Variants in TRAP1 observed in about 807,000 individuals in gnomAD.
TRAP1 encodes the protein heat shock protein 75 kDa, mitochondrial.
Under a neutral mutation model 89.1 loss-of-function variants are expected in TRAP1, and 102 were observed. The observed-to-expected ratio is 1.15, with a 90% CI of 0.98 to 1.35. The LOEUF is 1.35. TRAP1 is among the 40% of genes most tolerant of loss of function. TRAP1 has a pLI of 0.00. For synonymous variants in TRAP1, 508 were observed against 388.0 expected, an observed-to-expected ratio of 1.31 and a Z score of -3.64; for missense variants, 1,256 against 945.3, an observed-to-expected ratio of 1.33 and a Z score of -4.31.
At chr16:3,679,449 A>G (rs1486489735) in intron 5 of TRAP1, among the ~76,000 whole-genome samples, 1 of 152,228 alleles carries the variant, frequency 6.6e-6, no homozygotes, top group Non-Finnish European at 1.5e-5. Context: ...AGATGTGTCT[A>G]CAATATACGG....
At position 3,690,930 on chromosome 16, in the gene TRAP1, G is replaced by T; in HGVS notation, c.144C>A (p.Asn48Lys). Residue 48 changes from asparagine to lysine, a missense_variant, in exon 2 of 18, where the codon AAC becomes AAA. Physicochemically the swap from Asn to Lys is moderately conservative, Grantham distance 94. Transcript: ENST00000246957. ...GTCCTGCCTGCAAGCTCCAGGCTGG[G>T]TTTCGCCTGGGGCCCAACTGGGCTG... ...RTTAQLGPRR[N>K]PAWSLQAGRL... The T allele has an allele frequency of 6.3e-7, 1 of 1,588,976 alleles. No homozygotes were observed. Among genetic ancestry groups the T allele is most frequent in the Non-Finnish European group, 8.6e-7 (1 of 1,168,122 alleles).
intron 1 of TRAP1, among the ~76,000 whole-genome samples, chr16:3,712,812 C>T (rs2051549674): frequency 6.6e-6 from 1 of 152,184 alleles, no homozygotes; most frequent in African/African-American, 2.4e-5. Flanking sequence ...GACGGGGTTT[C>T]GCCATGTTGG....
chr16:3,672,803 A>G lies in TRAP1; in HGVS notation c.1062T>C (p.Asp354=). 3 of 1,613,160 alleles carry G rather than the reference A, an allele frequency of 1.9e-6. No homozygotes were observed. The highest frequency in any genetic ancestry group is 1.7e-5 in the Admixed American group (1 of 59,940). Residue 354 remains aspartate (D), a synonymous_variant, in exon 10 of 18, where the codon GAT becomes GAC. Transcript: ENST00000246957. ...CGCTGGAGCCCAGCTCCCGGCTCAC[A>G]TCAAACATGGACGGTTTCTGGGGGT... ...YVPDMKPSMF[D]VSRELGSSVA...
At chr16:3,716,407 G>A (rs1187429054) in intron 1 of TRAP1, among the ~76,000 whole-genome samples, 3 of 152,174 alleles carry the variant, frequency 2.0e-5, no homozygotes, top group Non-Finnish European at 4.4e-5. Flanking sequence ...CCCATTCTAT[G>A]CAGCATTGTA....
At position 3,679,888 on chromosome 16, in the gene TRAP1, T is replaced by A. The variant is rs967097791; in HGVS notation, c.472-98A>T. 3 of 1,205,992 alleles carry A rather than the reference T, an allele frequency of 2.5e-6. No individual in the cohort carries two copies. The African/African-American group carries it at 4.5e-5, about 18-fold the overall frequency. 74.7% of individuals were successfully genotyped at this position (1,205,992 alleles called of 1,614,324 possible). A position where few individuals can be genotyped will look rare whatever the true frequency, so the allele number is the denominator to read the frequency against. ...GGGACTCAAGTGGTGTCAATGACAT[T>A]GGCCAGACAGGGCCCAGCCAGGTAG... On this transcript the variant is annotated intron_variant, in intron 4 of 17. Transcript: ENST00000246957.
intron 2 of TRAP1, chr16:3,689,714 C>T (rs948792757): frequency 6.6e-6 from 1 of 152,542 alleles, no homozygotes. Flanking sequence ...GTGGCACACA[C>T]TTGTGGTCCC....
At chr16:3,663,108 A>G (rs2043176660) in intron 14 of TRAP1, 141 bp from the exon 15 acceptor site, 1 of 723,602 alleles carries the variant, frequency 1.4e-6, no homozygotes, top group Non-Finnish European at 2.2e-6. Flanking sequence ...TTTTCATCTA[A>G]AAGTAAAACC....
At chr16:3,683,188 G>A (rs969601763) in intron 4 of TRAP1, among the ~76,000 whole-genome samples, 10 of 151,512 alleles carry the variant, frequency 6.6e-5, no homozygotes, top group Non-Finnish European at 1.2e-4. Context: ...AAATCTTCCC[G>A]GTCATCAAAA....
chr16:3,713,033 A>T (rs1361059647), intron 1 of TRAP1, among the ~76,000 whole-genome samples: 1 of 152,216 alleles, frequency 6.6e-6, no homozygotes, highest in Admixed American at 6.5e-5. Flanking sequence ...TCTAAGTGCC[A>T]GCACCACAGC....
At position 3,672,740 on chromosome 16, in the gene TRAP1, C is replaced by T. The variant is rs566652586; in HGVS notation, c.1125G>A (p.Lys375=). 48 of 1,610,986 alleles carry T rather than the reference C, an allele frequency of 3.0e-5. No individual in the cohort carries two copies. The East Asian group carries it at 5.4e-4, about 18-fold the overall frequency. ...GCCACTTGGGCAGGATGTCCGTGGC[C>T]TTGGTCTGGATGAGGACTTTGCGGC... ...LYSRKVLIQT[K]ATDILPKWLR... Residue 375 remains lysine (K), a synonymous_variant, in exon 10 of 18, where the codon AAG becomes AAA. Transcript: ENST00000246957.
rs771649230 is a variant in TRAP1, at chr16:3,672,797, G to A, written c.1068C>T (p.Ser356=). ...GTGCAACGCTGGAGCCCAGCTCCCG[G>A]CTCACATCAAACATGGACGGTTTCT... ...PDMKPSMFDV[S]RELGSSVALY... is the part of the protein sequence containing the mutation. Residue 356 remains serine, a synonymous_variant, in exon 10 of 18, where the codon AGC becomes AGT. Transcript: ENST00000246957. The A allele has an allele frequency of 1.9e-5, 30 of 1,612,860 alleles. No homozygotes were observed. In the South Asian group the frequency reaches 2.9e-4, roughly 15 times the overall value.
At chr16:3,688,985 G>C in intron 3 of TRAP1, 70 bp downstream of exon 3, 2 of 1,416,194 alleles carry the variant, frequency 1.4e-6, no homozygotes, top group Non-Finnish European at 9.8e-7. Context: ...CAATTCTCCA[G>C]AATGGCATAA....
chr16:3,696,462 C>G (rs1041290817), intron 1 of TRAP1, among the ~76,000 whole-genome samples: 1 of 152,196 alleles, frequency 6.6e-6, no homozygotes, highest in Non-Finnish European at 1.5e-5. Flanking sequence ...AGCAGCAGCT[C>G]TTCATCACAG....
intron 17 of TRAP1, 142 bp from the exon 18 acceptor site, chr16:3,658,372 C>G (rs577889907): frequency 5.1e-5 from 35 of 687,934 alleles, no homozygotes; most frequent in Non-Finnish European, 6.6e-5. Context: ...GTGATCCCCC[C>G]GCCTCCCAAA....
intron 11 of TRAP1, among the ~76,000 whole-genome samples, chr16:3,666,868 CTT>C (rs756589664): frequency 1.4e-4 from 21 of 152,152 alleles, no homozygotes; most frequent in Non-Finnish European, 2.5e-4. Flanking sequence ...TTAGGAACAA[CTT>C]TATCACTGGG....
chr16:3,669,456 A>G (rs905314614), intron 11 of TRAP1, among the ~76,000 whole-genome samples: 1 of 152,174 alleles, frequency 6.6e-6, no homozygotes, highest in Non-Finnish European at 1.5e-5. Context: ...GTCAGCAAGG[A>G]AAATACCTTT....
chr16:3,715,686 G>A (rs900030500), intron 1 of TRAP1, among the ~76,000 whole-genome samples: 3 of 152,018 alleles, frequency 2.0e-5, no homozygotes, highest in East Asian at 1.9e-4. Context: ...GGTGACACAC[G>A]CCTGCAATCC....
intron 1 of TRAP1, among the ~76,000 whole-genome samples, chr16:3,700,274 T>A (rs951782342): frequency 1.1e-4 from 17 of 150,232 alleles, no homozygotes; most frequent in Non-Finnish European, 2.2e-4. Flanking sequence ...TTCAAGCGAT[T>A]CTCCTGCCTC....
At position 3,658,161 on chromosome 16, in the gene TRAP1, C is replaced by T. The variant is rs370077875; in HGVS notation, c.2083G>A (p.Glu695Lys). The T allele has an allele frequency of 2.5e-6, 4 of 1,613,900 alleles. No individual in the cohort carries two copies. The highest frequency in any genetic ancestry group is 1.3e-5 in the African/African-American group (1 of 74,942). Residue 695 changes from glutamate to lysine, a missense_variant, in exon 18 of 18, where the codon GAG becomes AAG. Coordinates refer to ENST00000246957, the MANE Select transcript of TRAP1 (RefSeq NM_016292.3). ...DPRAMVGRLN[E>K]LLVKALERH ...CGCTCCAGGGCCTTGACAAGCAGCT[C>T]ATTCAAGCGGCCCACCATGGCCCTA...
Sources: gnomAD v4.1 joint callset for allele counts (sites outside exome capture counted in the v4.1 genomes callset) on GRCh38, gnomAD v4.1.1 for gene constraint, MANE v1.5 for transcripts, NCBI Gene and HGNC (gene_info 2026-07-23, HGNC 2026-07-21) for gene names.